The following MYO19 variants were observed in gnomAD, a reference collection of about 807,000 sequenced individuals.
MYO19 encodes unconventional myosin-XIX.
In MYO19, 132 loss-of-function variants were observed where a neutral mutation model predicts 129.2. The ratio of observed to expected loss-of-function variants is 1.02; its 90% CI spans 0.89 to 1.18. MYO19 has a LOEUF of 1.18. Among genes scored for constraint, MYO19 ranks in the 50% most tolerant of loss-of-function variants. The pLI, the probability that MYO19 is intolerant of heterozygous loss-of-function variation, is 0.00. For missense variants in MYO19, 1,210 were observed against 1,216.7 expected (o/e 0.99, Z 0.08); for synonymous variants, 531 against 477.2 (o/e 1.11, Z -1.47).
At chr17:36,512,834 G>A in intron 11 of MYO19, 2 of 1,252,400 alleles carry the variant, frequency 1.6e-6, no homozygotes, top group Non-Finnish European at 2.1e-6. Context: ...AAAGACAGAA[G>A]GGAGGCCCCC....
chr17:36,540,854 C>G (rs2074193707), intron 2 of MYO19, among the ~76,000 whole-genome samples: 1 of 152,168 alleles, frequency 6.6e-6, no homozygotes, highest in Admixed American at 6.5e-5. Context: ...GTCTTCTAAT[C>G]AACTATCATT....
In MYO19 at chr17:36,508,845, C is replaced by G. The variant is rs1457466760; in HGVS notation, c.1231+217G>C. 1.9e-5 allele frequency: 11 copies of G among 580,966 alleles called. No individual in the cohort carries two copies. In the African/African-American group the frequency reaches 2.1e-4, roughly 11 times the overall value. 36.0% of individuals were successfully genotyped at this position (580,966 alleles called of 1,614,324 possible). ...TCAGACAAGGCACTGTTGAGCCTGT[C>G]TGGAGAGTTATGGACTGCTCAGATG... On this transcript the variant is annotated intron_variant, in intron 14 of 25. Transcript: ENST00000614623.
Position 36,510,775 on chromosome 17 carries a change from T to C in MYO19, c.1128A>G (p.Arg376=). The C allele has an allele frequency of 6.2e-7, 1 of 1,608,362 alleles. No homozygotes were observed. ...CATAGATCAGTTTGGCCAGGCAGTCTCTACGGGTGTCACACTCGGCTCGGG... is the reference window on the plus strand; with the variant it reads ...CATAGATCAGTTTGGCCAGGCAGTCCCTACGGGTGTCACACTCGGCTCGGG... ...PCARAECDTR[R]DCLAKLIYAR... Residue 376 remains arginine, a synonymous_variant, in exon 13 of 26, where the codon AGA becomes AGG. Coordinates refer to ENST00000614623, the MANE Select transcript of MYO19 (RefSeq NM_001163735.2).
chr17:36,537,823 C>A, upstream of MYO19: 1 of 1,614,060 alleles, frequency 6.2e-7, no homozygotes, highest in South Asian at 1.1e-5. Context: ...TTTTTCTTTA[C>A]CATAATAGTT....
At chr17:36,510,969 C>T in intron 12 of MYO19, 52 bp from the exon 13 acceptor site, 1 of 1,518,510 alleles carries the variant, frequency 6.6e-7, no homozygotes, top group Non-Finnish European at 8.9e-7. Flanking sequence ...CAGTCCTCTT[C>T]ACGAGGCACT....
Position 36,498,334 on chromosome 17 carries a change from G to C in MYO19, c.2689C>G (p.Pro897Ala). Residue 897 changes from proline to alanine, a missense_variant, in exon 25 of 26, where the codon CCC becomes GCC. Transcript: ENST00000614623. Reference sequence around the variant, plus strand: ...GCTGTCTGGACAGTGTAGCTACTGGGGCTGCCCCTGGGGAGCTGGAGGCAA... The same window carrying C: ...GCTGTCTGGACAGTGTAGCTACTGGCGCTGCCCCTGGGGAGCTGGAGGCAA... ...WACLQLPRGS[P>A]SSYTVQTAQD... The C allele has an allele frequency of 6.2e-7, 1 of 1,613,994 alleles. No individual in the cohort carries two copies. The highest frequency in any genetic ancestry group is 8.5e-7 in the Non-Finnish European group (1 of 1,179,894).
intron 14 of MYO19, chr17:36,508,136 G>A: frequency 2.4e-6 from 1 of 424,308 alleles, no homozygotes; most frequent in Non-Finnish European, 4.1e-6. Flanking sequence ...TTCCCCTGTA[G>A]AGCTCAGAGC....
chr17:36,514,572 C>A, intron 8 of MYO19, 24 bp from the exon 9 acceptor site: 1 of 1,470,388 alleles, frequency 6.8e-7, no homozygotes, highest in African/African-American at 1.4e-5. Flanking sequence ...AGGCCAGAGC[C>A]CGTTAGTTGC....
chr17:36,505,503 C>T, intron 18 of MYO19, 99 bp from the exon 19 acceptor site: 2 of 806,142 alleles, frequency 2.5e-6, no homozygotes, highest in Admixed American at 4.8e-5. Context: ...TCCAGCGGGC[C>T]CTTCCATGAT....
At chr17:36,496,467 A>G (rs1258102944) in intron 25 of MYO19, 61 bp from the exon 26 acceptor site, 2 of 1,553,040 alleles carry the variant, frequency 1.3e-6, no homozygotes, top group East Asian at 4.5e-5. Flanking sequence ...GGGCCTAACA[A>G]CCCCACAGAG....
Position 36,532,595 on chromosome 17 carries a change from T to C in MYO19, c.-57A>G. The C allele has an allele frequency of 6.5e-7, 1 of 1,548,540 alleles. No individual in the cohort carries two copies. The highest frequency in any genetic ancestry group is 2.4e-5 in the East Asian group (1 of 40,940). The stretch of plus-strand genomic sequence containing the variant: ...GTTGCAGGAGGTACAAGGAGTACTA[T>C]CCACCTAGTCATGGGACCATGGGCT... On this transcript the variant is annotated 5_prime_UTR_variant, in exon 3 of 26. Coordinates refer to ENST00000614623, the MANE Select transcript of MYO19 (RefSeq NM_001163735.2).
At chr17:36,511,074 A>T in intron 12 of MYO19, 157 bp from the exon 13 acceptor site, 1 of 873,884 alleles carries the variant, frequency 1.1e-6, no homozygotes, top group Non-Finnish European at 1.7e-6. Context: ...GACTCCATAA[A>T]CAGCAGTCAG....
At chr17:36,504,397 G>A in intron 19 of MYO19, 1 of 207,078 alleles carries the variant, frequency 4.8e-6, no homozygotes, top group Non-Finnish European at 9.6e-6. Flanking sequence ...GTGGTTCACA[G>A]CTGAGAGGCA....
intron 21 of MYO19, chr17:36,501,638 T>C (rs566375327): frequency 2.1e-4 from 36 of 170,712 alleles, no homozygotes; most frequent in Admixed American, 2.1e-3. Context: ...AGGGCAGCTA[T>C]AGGCCACTCC....
intron 3 of MYO19, among the ~76,000 whole-genome samples, chr17:36,530,623 ATT>A (rs71159612): frequency 5.3e-4 from 42 of 78,924 alleles, no homozygotes; most frequent in Non-Finnish European, 5.3e-4. Flanking sequence ...TGGCTTTTGT[ATT>A]TTTTTTTTTT....
chr17:36,496,128 C>G lies in MYO19; in HGVS notation c.*123G>C. 1 of 1,337,570 alleles carries G rather than the reference C, an allele frequency of 7.5e-7. No individual in the cohort carries two copies. 82.9% of individuals were successfully genotyped at this position (1,337,570 alleles called of 1,614,324 possible). On this transcript the variant is annotated 3_prime_UTR_variant, in exon 26 of 26. Transcript: ENST00000614623. Reference sequence around the variant, plus strand: ...GGGGCTCTGGGTCGAAGGCTGGAGCCGTCACTGTTGTTCATGTGCATTTGG... The same window carrying G: ...GGGGCTCTGGGTCGAAGGCTGGAGCGGTCACTGTTGTTCATGTGCATTTGG...
intron 25 of MYO19, among the ~76,000 whole-genome samples, chr17:36,497,396 C>G (rs1380813056): frequency 1.3e-5 from 2 of 151,230 alleles, no homozygotes; most frequent in African/African-American, 4.9e-5. Flanking sequence ...AAGGAAAAAA[C>G]CAAGCAATAC....
intron 21 of MYO19, chr17:36,501,451 C>T: frequency 2.0e-6 from 1 of 507,958 alleles, no homozygotes; most frequent in East Asian, 3.1e-5. Flanking sequence ...CTTGGAATAC[C>T]CACTTGCGCC....
At chr17:36,510,029 T>C (rs1599288558) in intron 13 of MYO19, 2 of 152,308 alleles carry the variant, frequency 1.3e-5, no homozygotes. Flanking sequence ...TCTCAGGCTA[T>C]TGGCTCTTTG....
Sources: allele counts gnomAD v4.1 joint callset (sites outside exome capture counted in the v4.1 genomes callset), GRCh38; gene constraint gnomAD v4.1.1; transcripts MANE v1.5; gene names NCBI Gene and HGNC (gene_info 2026-07-23, HGNC 2026-07-21).